Variants in NKAIN2 observed in about 807,000 individuals in gnomAD.
NKAIN2 encodes the protein sodium/potassium transporting ATPase interacting 2, also known as sodium/potassium-transporting ATPase subunit beta-1-interacting protein 2.
NKAIN2 carries 14 observed loss-of-function variants against 32.6 expected under a neutral mutation model. The ratio of observed to expected loss-of-function variants is 0.43; its 90% CI spans 0.28 to 0.67. The LOEUF (loss-of-function observed/expected upper bound fraction) is 0.67, where lower values mean the gene tolerates loss of function less well. Among genes scored for constraint, NKAIN2 ranks in the 30% least tolerant of loss-of-function variants. The pLI is 0.17. For missense variants in NKAIN2, 198 were observed against 258.3 expected (o/e 0.77, Z 1.60); for synonymous variants, 80 against 87.2 (o/e 0.92, Z 0.46).
intron 1 of NKAIN2, among the ~76,000 whole-genome samples, chr6:123,848,820 A>C (rs1775198283): frequency 6.6e-6 from 1 of 152,216 alleles, no homozygotes; most frequent in South Asian, 2.1e-4. Flanking sequence ...ATTTCATACC[A>C]GCATTCAGAT....
intron 1 of NKAIN2, among the ~76,000 whole-genome samples, chr6:124,150,387 T>TA (rs1787647742): frequency 6.6e-6 from 1 of 152,124 alleles, no homozygotes; most frequent in Admixed American, 6.6e-5. Context: ...TAAGAACTGC[T>TA]GAAAAACAAT....
chr6:124,600,584 T>C (rs541912028), intron 3 of NKAIN2, among the ~76,000 whole-genome samples: 13 of 152,196 alleles, frequency 8.5e-5, no homozygotes, highest in Middle Eastern at 3.4e-3. Flanking sequence ...ATTTCAGTAT[T>C]GGAGGAATCC....
At chr6:124,765,039 C>T (rs1216496615) in intron 4 of NKAIN2, among the ~76,000 whole-genome samples, 1 of 152,078 alleles carries the variant, frequency 6.6e-6, no homozygotes. Flanking sequence ...AAGCAATCTC[C>T]AGATAATATT....
chr6:124,367,075 A>T (rs1799551474), intron 3 of NKAIN2, among the ~76,000 whole-genome samples: 1 of 152,184 alleles, frequency 6.6e-6, no homozygotes. Flanking sequence ...TTGCTAAAAG[A>T]CCACACATCA....
At chr6:124,796,913 C>A (rs537015853) in intron 5 of NKAIN2, among the ~76,000 whole-genome samples, 1 of 152,118 alleles carries the variant, frequency 6.6e-6, no homozygotes, top group Admixed American at 6.5e-5. Context: ...CTCCCGTCTT[C>A]TATTCCCCTC....
At chr6:123,944,538 C>T (rs534742517) in intron 1 of NKAIN2, among the ~76,000 whole-genome samples, 1 of 152,146 alleles carries the variant, frequency 6.6e-6, no homozygotes, top group South Asian at 2.1e-4. Context: ...GACAAGCCCT[C>T]CTTGGGCTAA....
chr6:124,687,431 A>G (rs1372029548), intron 4 of NKAIN2, among the ~76,000 whole-genome samples: 1 of 4,372 alleles, frequency 2.3e-4, no homozygotes, highest in Non-Finnish European at 4.8e-4. Flanking sequence ...TTCCATGTAT[A>G]CCATATACAT....
intron 4 of NKAIN2, among the ~76,000 whole-genome samples, chr6:124,685,580 C>A (rs78737320): frequency 6.6e-6 from 1 of 151,974 alleles, no homozygotes; most frequent in African/African-American, 2.4e-5. Context: ...GTCTAGCACA[C>A]GATAAAATGC....
intron 1 of NKAIN2, among the ~76,000 whole-genome samples, chr6:123,876,592 G>T (rs1773181204): frequency 6.6e-6 from 1 of 152,216 alleles, no homozygotes; most frequent in Non-Finnish European, 1.5e-5. Context: ...CTGATGAGCT[G>T]TTGGTAGGGA....
chr6:124,301,410 T>C (rs1796287775), intron 2 of NKAIN2, among the ~76,000 whole-genome samples: 1 of 152,120 alleles, frequency 6.6e-6, no homozygotes, highest in African/African-American at 2.4e-5. Context: ...AAGGGAAATG[T>C]GTGGTGGAAG....
intron 2 of NKAIN2, among the ~76,000 whole-genome samples, chr6:124,323,784 C>CTTTTTTTTTTTTTTTTT (rs1188944631): frequency 5.2e-5 from 6 of 115,930 alleles, no homozygotes; most frequent in East Asian, 2.4e-4. Context: ...TTAATTTTTT[C>CTTTTTTTTTTTTTTTTT]TTTTTTTTTT....
intron 3 of NKAIN2, among the ~76,000 whole-genome samples, chr6:124,414,973 G>GAA (rs113846966): frequency 1.3e-3 from 199 of 148,952 alleles, no homozygotes; most frequent in Non-Finnish European, 2.5e-3. Context: ...GGTTTTGAGT[G>GAA]AAAAAAAAAA....
At chr6:124,403,385 T>A (rs557615367) in intron 3 of NKAIN2, among the ~76,000 whole-genome samples, 2 of 152,264 alleles carry the variant, frequency 1.3e-5, no homozygotes, top group African/African-American at 4.8e-5. Flanking sequence ...AATCATATTG[T>A]CTCTGAAAAG....
intron 1 of NKAIN2, among the ~76,000 whole-genome samples, chr6:124,122,295 T>G (rs1276949401): frequency 6.6e-6 from 1 of 152,142 alleles, no homozygotes; most frequent in Non-Finnish European, 1.5e-5. Context: ...CCATTTAAAA[T>G]GAACATTGTG....
intron 3 of NKAIN2, among the ~76,000 whole-genome samples, chr6:124,518,496 G>A (rs1779006623): frequency 1.3e-5 from 2 of 152,058 alleles, no homozygotes; most frequent in Admixed American, 1.3e-4. Flanking sequence ...GAGACCTCCA[G>A]AGGCTTACAA....
At chr6:124,499,216 ACT>A (rs1294423069) in intron 3 of NKAIN2, among the ~76,000 whole-genome samples, 2 of 151,744 alleles carry the variant, frequency 1.3e-5, no homozygotes, top group Non-Finnish European at 2.9e-5. Context: ...ATATTTCCAA[ACT>A]CTTTTTGAAT....
At chr6:124,159,147 A>G (rs923631084) in intron 1 of NKAIN2, among the ~76,000 whole-genome samples, 2 of 152,168 alleles carry the variant, frequency 1.3e-5, no homozygotes, top group African/African-American at 2.4e-5. Flanking sequence ...TTGTTTCTCC[A>G]TCAACCTTAC....
Position 123,956,003 on chromosome 6 carries a change from A to G in NKAIN2, c.54+151749A>G, listed in dbSNP as rs568311872. Among the ~76,000 whole-genome samples, 438 of 152,294 alleles carry G rather than the reference A, an allele frequency of 2.9e-3. 1 individual carries two copies. Among genetic ancestry groups the G allele is most frequent in the Non-Finnish European group, 4.7e-3 (318 of 68,032 alleles). On this transcript the variant is annotated intron_variant, in intron 1 of 6. Coordinates refer to ENST00000368417, the MANE Select transcript of NKAIN2 (RefSeq NM_001040214.3). ...TAATTACGTGTAAAATGCTGGATGC[A>G]TTATTTTAAAAATGCATGGATGCTT...
intron 4 of NKAIN2, among the ~76,000 whole-genome samples, chr6:124,708,086 T>C (rs1018781204): frequency 2.0e-5 from 3 of 149,818 alleles, no homozygotes; most frequent in Non-Finnish European, 3.0e-5. Context: ...CAGCACCATT[T>C]ATTATATAGG....
Sources: gnomAD v4.1 joint callset for allele counts (sites outside exome capture counted in the v4.1 genomes callset) on GRCh38, gnomAD v4.1.1 for gene constraint, MANE v1.5 for transcripts, NCBI Gene and HGNC (gene_info 2026-07-23, HGNC 2026-07-21) for gene names.